Variants in SUPT7L observed in about 807,000 individuals in gnomAD.
SUPT7L encodes SPT7 like, STAGA complex subunit gamma.
SUPT7L carries 15 observed loss-of-function variants against 35.7 expected under a neutral mutation model. The observed-to-expected ratio is 0.42, with a 90% CI of 0.28 to 0.65. SUPT7L has a LOEUF of 0.65. SUPT7L is among the 30% of genes least tolerant of loss of function. The pLI is 0.23. For synonymous variants in SUPT7L, 168 were observed against 186.2 expected (o/e 0.90, Z 0.79); for missense variants, 434 against 522.2 (o/e 0.83, Z 1.65).
the SUPT7L span, among the ~76,000 whole-genome samples, chr2:27,643,566 C>T: frequency 3.3e-5 from 5 of 152,246 alleles, 1 homozygote; most frequent in Admixed American, 2.0e-4. The surrounding 1 kb of genome is among the most constrained non-coding windows in gnomAD (Gnocchi z 4.0). Flanking sequence ...CCCATGATAG[C>T]AGGAGAAAAT....
intron 5 of SUPT7L, among the ~76,000 whole-genome samples, 196 bp downstream of exon 5, chr2:27,655,169 T>C (rs1046755694): frequency 2.0e-5 from 3 of 152,264 alleles, no homozygotes; most frequent in Non-Finnish European, 2.9e-5. Flanking sequence ...AAAGCTGTGC[T>C]AATCCTCTCT....
the SUPT7L span, among the ~76,000 whole-genome samples, chr2:27,645,516 A>C: frequency 6.6e-6 from 1 of 152,032 alleles, no homozygotes; most frequent in Non-Finnish European, 1.5e-5. Context: ...ATTTAGGGAG[A>C]AGTGACATCT....
chr2:27,645,641 T>C, the SUPT7L span, among the ~76,000 whole-genome samples: 1 of 152,162 alleles, frequency 6.6e-6, no homozygotes, highest in South Asian at 2.1e-4. Context: ...TCTTATTTCT[T>C]TTTAAAATGT....
intron 2 of SUPT7L, 46 bp downstream of exon 2, chr2:27,662,133 C>G: frequency 1.2e-6 from 2 of 1,613,866 alleles, no homozygotes; most frequent in Non-Finnish European, 1.7e-6. Context: ...AGTCAGAATT[C>G]CTTGGCTTAC....
Position 27,653,747 on chromosome 2 carries a change from C to A in SUPT7L, c.983G>T (p.Ser328Ile), listed in dbSNP as rs1280978680. Reference protein sequence around the residue: ...LEVEASPQASSAEVNASPLWN... With the variant: ...LEVEASPQASIAEVNASPLWN... ...AAGAGGAGAAGCATTTACCTCTGCA[C>A]CTAGAAACAGAGGAAAGATGGACAT... Residue 328 changes from serine (S) to isoleucine (I), a missense_variant and splice_region_variant, in exon 6 of 6, where the codon AGT becomes ATT. By Grantham distance (142) the Ser-to-Ile change is moderately radical. Transcript: ENST00000337768. The A allele has an allele frequency of 1.2e-6, 2 of 1,614,160 alleles. No homozygotes were observed. The highest frequency in any genetic ancestry group is 1.7e-6 in the Non-Finnish European group (2 of 1,180,026).
At position 27,655,554 on chromosome 2, in the gene SUPT7L, T is replaced by C. The variant is rs757789956; in HGVS notation, c.793A>G (p.Lys265Glu). 62 of 1,612,156 alleles carry C rather than the reference T, an allele frequency of 3.8e-5. No individual in the cohort carries two copies. The highest frequency in any genetic ancestry group is 5.3e-5 in the Non-Finnish European group (62 of 1,179,422). Residue 265 changes from lysine (K) to glutamate (E), a missense_variant, in exon 5 of 6, where the codon AAG (lysine) becomes GAG (glutamate). Coordinates refer to ENST00000337768, the MANE Select transcript of SUPT7L (RefSeq NM_014860.3). ...EEYERIVNPEKATEDAKPVKI... is the reference protein window; with the variant it reads ...EEYERIVNPEEATEDAKPVKI... The stretch of plus-strand genomic sequence containing the variant: ...ACAGGTTTAGCGTCCTCTGTGGCCT[T>C]CTCAGGATTGACAATCCTTTCATAT...
chr2:27,653,312 T>C lies in SUPT7L; in HGVS notation c.*173A>G, dbSNP rs1053307608. The C allele has an allele frequency of 7.7e-6, 7 of 911,008 alleles. No homozygotes were observed. The highest frequency in any genetic ancestry group is 5.8e-5 in the Admixed American group (2 of 34,380). 56.4% of individuals were successfully genotyped at this position (911,008 alleles called of 1,614,324 possible). ...GTTGTGGAAAACTATAAAAACTGGATGCAAAAGTAAAATGCAACCTTGTTT... is the reference window on the plus strand; with the variant it reads ...GTTGTGGAAAACTATAAAAACTGGACGCAAAAGTAAAATGCAACCTTGTTT... On this transcript the variant is annotated 3_prime_UTR_variant, in exon 6 of 6. Transcript: ENST00000337768.
chr2:27,653,628 G>C lies in SUPT7L; in HGVS notation c.1102C>G (p.Pro368Ala). 1.2e-6 allele frequency: 2 copies of C among 1,614,154 alleles called. No individual in the cohort carries two copies. Among genetic ancestry groups the C allele is most frequent in the Non-Finnish European group, 1.7e-6 (2 of 1,180,038 alleles). Reference protein sequence around the residue: ...GVLGSDVFEEPMSGMSEAGIP... With the variant: ...GVLGSDVFEEAMSGMSEAGIP... ...CCAGCTTCACTCATGCCTGACATAG[G>C]CTCCTCGAAGACATCACTGCCCAGC... Residue 368 changes from proline (P) to alanine (A), a missense_variant, in exon 6 of 6, where the codon CCT (proline) becomes GCT (alanine). Physicochemically the swap from Pro to Ala is conservative, Grantham distance 27 (BLOSUM62 -1). Coordinates refer to ENST00000337768, the MANE Select transcript of SUPT7L (RefSeq NM_014860.3).
the SUPT7L span, among the ~76,000 whole-genome samples, chr2:27,643,792 T>G: frequency 6.6e-6 from 1 of 152,230 alleles, no homozygotes; most frequent in Non-Finnish European, 1.5e-5. This position sits in a 1 kb window ranked among gnomAD's most constrained non-coding sequence, Gnocchi z 4.0. Context: ...GGAATCACAT[T>G]GGGAGGCACG....
At chr2:27,660,623 A>C (rs1204298078) in intron 3 of SUPT7L, among the ~76,000 whole-genome samples, 1 of 152,244 alleles carries the variant, frequency 6.6e-6, no homozygotes, top group African/African-American at 2.4e-5. Flanking sequence ...GAATAAGTCC[A>C]TGAATCCCAA....
rs191788674 is a variant in SUPT7L, at chr2:27,657,864, C to T, written c.420-195G>A. On this transcript the variant is annotated intron_variant, in intron 3 of 5. Coordinates refer to ENST00000337768, the MANE Select transcript of SUPT7L (RefSeq NM_014860.3). The surrounding 1 kb of genome is among the most constrained non-coding windows in gnomAD (Gnocchi z 5.2). Reference sequence around the variant, plus strand: ...AGCAACCCATGGTCATATCTTTGAGCTCCTCCAAAGACATAGTTTGAATAG... The same window carrying T: ...AGCAACCCATGGTCATATCTTTGAGTTCCTCCAAAGACATAGTTTGAATAG... Among the ~76,000 whole-genome samples the T allele has an allele frequency of 1.5e-4, 23 of 152,318 alleles. No individual in the cohort carries two copies. The highest frequency in any genetic ancestry group is 5.5e-4 in the African/African-American group (23 of 41,574).
At chr2:27,655,325 G>T in intron 5 of SUPT7L, 40 bp downstream of exon 5, 2 of 1,489,654 alleles carry the variant, frequency 1.3e-6, no homozygotes, top group South Asian at 2.8e-5. Flanking sequence ...GAAATTGGCA[G>T]ATCTCCCAGA....
rs1187058063 is a variant in SUPT7L, at chr2:27,661,099, G to T, written c.304C>A (p.Leu102Ile). The T allele has an allele frequency of 1.2e-6, 2 of 1,614,070 alleles. No homozygotes were observed. Among genetic ancestry groups the T allele is most frequent in the Admixed American group, 1.7e-5 (1 of 60,000 alleles). The change falls in exon 3 of 6, where the codon CTT becomes ATT. Residue 102 changes from leucine (L) to isoleucine (I), a missense_variant. By Grantham distance (5) the Leu-to-Ile change is conservative. Around this residue, in one of 3 missense-constraint regions of SUPT7L, gnomAD observed 198 missense variants for 190.8 expected, o/e 1.04. Coordinates refer to ENST00000337768, the MANE Select transcript of SUPT7L (RefSeq NM_014860.3). Reference sequence around the variant, plus strand: ...GGAGGTGACCCAGGGCACGAGGGAAGAGGTTCACTCTCTTCAGTTTTTACA... The same window carrying T: ...GGAGGTGACCCAGGGCACGAGGGAATAGGTTCACTCTCTTCAGTTTTTACA... ...EGVKTEESEP[L>I]PSCPGSPPLP... is the part of the protein sequence containing the mutation.
the SUPT7L span, among the ~76,000 whole-genome samples, chr2:27,645,679 C>T: frequency 6.6e-6 from 1 of 151,772 alleles, no homozygotes; most frequent in Non-Finnish European, 1.5e-5. Flanking sequence ...ACCTTTTTGA[C>T]CAAGAGTTTT....
At chr2:27,660,766 TAGTA>T in intron 3 of SUPT7L, among the ~76,000 whole-genome samples, 1 of 152,282 alleles carries the variant, frequency 6.6e-6, no homozygotes, top group Middle Eastern at 3.4e-3. Flanking sequence ...GCTTGGCACA[TAGTA>T]AGCACTCAAA....
Position 27,663,402 on chromosome 2 carries a change from T to C in SUPT7L, c.-163A>G. ...CCTCCAGGGGTTTCCTCGGTCACGG[T>C]CCGCCGGCGCAGGCGCCAATCACAG... On this transcript the variant is annotated 5_prime_UTR_variant, in exon 1 of 6. Coordinates refer to ENST00000337768, the MANE Select transcript of SUPT7L (RefSeq NM_014860.3). The C allele has an allele frequency of 4.3e-6, 1 of 231,092 alleles. No individual in the cohort carries two copies. Among genetic ancestry groups the C allele is most frequent in the Admixed American group, 5.1e-5 (1 of 19,492 alleles). The allele number at this position is 231,092 out of a possible 1,614,324, so 14.3% of individuals were successfully genotyped here.
downstream of SUPT7L, among the ~76,000 whole-genome samples, chr2:27,647,015 T>C (rs1233881036): frequency 6.6e-6 from 1 of 152,256 alleles, no homozygotes; most frequent in East Asian, 1.9e-4. Context: ...TGGGAGAGTT[T>C]AAGTAAATCA....
At chr2:27,650,179 C>T (rs1241786252), downstream of SUPT7L, 1 of 1,598,100 alleles carries the variant, frequency 6.3e-7, no homozygotes, top group Non-Finnish European at 8.6e-7. Flanking sequence ...TGGCACAATA[C>T]TGGAAGAGAA....
In SUPT7L at chr2:27,657,806, C is replaced by T. The variant is rs1169822085; in HGVS notation, c.420-137G>A. On this transcript the variant is annotated intron_variant, in intron 3 of 5. Transcript: ENST00000337768. The surrounding 1 kb of genome is among the most constrained non-coding windows in gnomAD (Gnocchi z 5.2). ...GAAATTCCATCCAAGTTACATAGCT[C>T]AGTTTCATCCTGCTGCTATCTGGGC... 1 of 790,772 alleles carries T rather than the reference C, an allele frequency of 1.3e-6. No homozygotes were observed. The highest frequency in any genetic ancestry group is 2.0e-6 in the Non-Finnish European group (1 of 507,294). The allele number at this position is 790,772 out of a possible 1,614,324, so 49.0% of individuals were successfully genotyped here.
Sources: allele counts gnomAD v4.1 joint callset (sites outside exome capture counted in the v4.1 genomes callset), GRCh38; gene constraint gnomAD v4.1.1; regional missense constraint gnomAD v4.1.1; non-coding constraint Gnocchi (gnomAD v3.1); transcripts MANE v1.5; gene names NCBI Gene and HGNC (gene_info 2026-07-23, HGNC 2026-07-21).